The following PRTFDC1 variants were observed in gnomAD, a reference collection of about 807,000 sequenced individuals.
PRTFDC1 encodes phosphoribosyl transferase domain containing 1, also known as phosphoribosyltransferase domain-containing protein 1.
A neutral mutation model predicts 34.6 loss-of-function variants in PRTFDC1; 38 were observed. That is an observed-to-expected ratio of 1.10 (90% confidence interval 0.85 to 1.44). PRTFDC1 has a LOEUF of 1.44. Among genes scored for constraint, PRTFDC1 ranks in the 40% most tolerant of loss-of-function variants. PRTFDC1 has a pLI of 0.00. For synonymous variants in PRTFDC1, 93 were observed against 98.1 expected (o/e 0.95, Z 0.31); for missense variants, 270 against 283.0 (o/e 0.95, Z 0.33).
chr10:24,906,433 A>G (rs542869118), intron 3 of PRTFDC1, among the ~76,000 whole-genome samples: 2 of 152,292 alleles, frequency 1.3e-5, no homozygotes, highest in South Asian at 2.1e-4. Context: ...TAAGAATTAC[A>G]AAAACATGGT....
Position 24,934,214 on chromosome 10 carries a change from AAAG to A in PRTFDC1, c.339+2967_339+2969del, listed in dbSNP as rs57514580. On this transcript the variant is annotated intron_variant, in intron 3 of 8. Transcript: ENST00000320152. ...TATATAATCAAATTCTACTGGACAC[AAAG>A]AAGAAGAAGAAGAAGAAGAAGAAGA... 8.7e-3 allele frequency among the ~76,000 whole-genome samples: 1,266 copies of A among 146,336 alleles called. 13 individuals carry two copies. Among genetic ancestry groups the A allele is most frequent in the South Asian group, 0.025 (116 of 4,576 alleles).
intron 3 of PRTFDC1, among the ~76,000 whole-genome samples, chr10:24,893,350 G>A (rs1050694477): frequency 4.6e-5 from 7 of 151,942 alleles, no homozygotes; most frequent in Non-Finnish European, 8.8e-5. Context: ...GTGCAGTGAC[G>A]CAATCATAGC....
chr10:24,855,923 G>A (rs1847565399), intron 6 of PRTFDC1, among the ~76,000 whole-genome samples: 1 of 152,062 alleles, frequency 6.6e-6, no homozygotes, highest in Non-Finnish European at 1.5e-5. Flanking sequence ...AGACCAGCCT[G>A]GCCAACATGG....
At chr10:24,939,561 G>A (rs146326244) in intron 2 of PRTFDC1, among the ~76,000 whole-genome samples, 48 of 151,976 alleles carry the variant, frequency 3.2e-4, no homozygotes, top group African/African-American at 1.2e-3. Flanking sequence ...GGGAGGCCAA[G>A]GCAGGCAGAT....
intron 6 of PRTFDC1, among the ~76,000 whole-genome samples, chr10:24,856,593 A>AAAAC (rs1055774625): frequency 1.3e-5 from 2 of 152,308 alleles, no homozygotes; most frequent in East Asian, 1.9e-4. Flanking sequence ...ACTCTGTCTC[A>AAAAC]AAACAAACAA....
chr10:24,849,327 G>A lies in PRTFDC1; in HGVS notation c.*517C>T, dbSNP rs1847442770. 1 of 152,708 alleles carries A rather than the reference G, an allele frequency of 6.5e-6. No homozygotes were observed. The highest frequency in any genetic ancestry group is 2.1e-4 in the South Asian group (1 of 4,826). The allele number at this position is 152,708 out of a possible 1,614,324, so 9.5% of individuals were successfully genotyped here. ...ATGGCCTGTCAGAAATGCACAAACA[G>A]AAATTTATATTAAATTGTCCTTTCC... On this transcript the variant is annotated 3_prime_UTR_variant, in exon 9 of 9. Coordinates refer to ENST00000320152, the MANE Select transcript of PRTFDC1 (RefSeq NM_020200.7).
intron 1 of PRTFDC1, among the ~76,000 whole-genome samples, chr10:24,943,089 TAAAC>T (rs925315573): frequency 2.9e-4 from 43 of 149,666 alleles, no homozygotes; most frequent in African/African-American, 1.0e-3. Flanking sequence ...TATATCATAA[TAAAC>T]AACATATTTG....
In PRTFDC1 at chr10:24,851,375, A is replaced by G; in HGVS notation, c.630+13T>C. 3.1e-6 allele frequency: 5 copies of G among 1,596,772 alleles called. No homozygotes were observed. Among genetic ancestry groups the G allele is most frequent in the Non-Finnish European group, 4.3e-6 (5 of 1,175,728 alleles). ...ATAAAAAGGGCGGTTAGGGATTTGC[A>G]TGCAAGACTTACATTCAGATCTCTG... On this transcript the variant is annotated intron_variant, in intron 8 of 8. Coordinates refer to ENST00000320152, the MANE Select transcript of PRTFDC1 (RefSeq NM_020200.7).
At chr10:24,871,028 C>T (rs192038781) in intron 4 of PRTFDC1, among the ~76,000 whole-genome samples, 99 of 141,160 alleles carry the variant, frequency 7.0e-4, no homozygotes, top group African/African-American at 2.4e-3. Flanking sequence ...GCTGAGATCA[C>T]GCCAGTGCAC....
rs1849071037 is a variant in PRTFDC1 at position 24,937,423 on chromosome 10, G to C, written c.156-56C>G. The C allele has an allele frequency of 2.0e-6, 3 of 1,473,440 alleles. No individual in the cohort carries two copies. The African/African-American group carries it at 4.2e-5, about 21-fold the overall frequency. The allele number at this position is 1,473,440 out of a possible 1,614,324, so 91.3% of individuals were successfully genotyped here. A position where few individuals can be genotyped will look rare whatever the true frequency, so the allele number is the denominator to read the frequency against. ...ACAACTACTTCTGAGTATTTATGTT[G>C]CTTTAATGAAATGCAAGATGTATTG... On this transcript the variant is annotated intron_variant, in intron 2 of 8. Transcript: ENST00000320152.
chr10:24,881,712 C>T (rs544500255), intron 3 of PRTFDC1, among the ~76,000 whole-genome samples: 3 of 152,184 alleles, frequency 2.0e-5, no homozygotes, highest in East Asian at 3.9e-4. Flanking sequence ...GTCAATATTC[C>T]ACAAATTTTG....
chr10:24,942,241 G>T, intron 2 of PRTFDC1, 89 bp downstream of exon 2: 1 of 1,064,576 alleles, frequency 9.4e-7, no homozygotes, highest in Non-Finnish European at 1.4e-6. Flanking sequence ...CGCAGCTCAG[G>T]AATAGGGTCC....
chr10:24,880,820 TTTCTTTCTTTCTTTCTTTC>T (rs1848058594), intron 3 of PRTFDC1, among the ~76,000 whole-genome samples: 1 of 89,408 alleles, frequency 1.1e-5, no homozygotes, highest in African/African-American at 5.3e-5. Flanking sequence ...TTTCTCTTTC[TTTCTTTCTTTCTTTCTTTC>T]TTTCTTTCTT....
At chr10:24,946,980 A>T (rs111751279) in intron 1 of PRTFDC1, among the ~76,000 whole-genome samples, 3,928 of 148,394 alleles carry the variant, frequency 0.026, 139 homozygotes, top group African/African-American at 0.089. Context: ...TACAAAAAAT[A>T]AAAAAAAAAA....
chr10:24,911,517 T>A (rs921400176), intron 3 of PRTFDC1, among the ~76,000 whole-genome samples: 1 of 152,110 alleles, frequency 6.6e-6, no homozygotes, highest in Non-Finnish European at 1.5e-5. Flanking sequence ...TGTTTTTAGT[T>A]TGAGTTATTA....
chr10:24,926,254 G>A (rs1438184287), intron 3 of PRTFDC1, among the ~76,000 whole-genome samples: 1 of 152,170 alleles, frequency 6.6e-6, no homozygotes, highest in Admixed American at 6.5e-5. Context: ...TAGATATAAA[G>A]CACTTAGGAC....
At chr10:24,879,602 C>G in intron 3 of PRTFDC1, among the ~76,000 whole-genome samples, 1 of 152,070 alleles carries the variant, frequency 6.6e-6, no homozygotes, top group East Asian at 1.9e-4. Flanking sequence ...CCCGCCTCGG[C>G]CTCCCAAAGT....
chr10:24,900,068 A>G (rs1295008292), intron 3 of PRTFDC1, among the ~76,000 whole-genome samples: 1 of 152,234 alleles, frequency 6.6e-6, no homozygotes, highest in Non-Finnish European at 1.5e-5. Flanking sequence ...CAATTTAAAA[A>G]AACTTAAGCT....
rs559671764 is a variant in PRTFDC1, at chr10:24,952,206, G to A, written c.48+322C>T. ...ACGCGGGGGTCTCTGGGGCCCTGCC[G>A]GGCTCGCAGAAGCGACTCCCCGTGG... On this transcript the variant is annotated intron_variant, in intron 1 of 8. Transcript: ENST00000320152. This position sits in a 1 kb window ranked among gnomAD's most constrained non-coding sequence, Gnocchi z 5.1. 3.9e-5 allele frequency among the ~76,000 whole-genome samples: 6 copies of A among 152,306 alleles called. No individual in the cohort carries two copies. In the South Asian group the frequency reaches 8.3e-4, roughly 21 times the overall value.
Sources: allele counts gnomAD v4.1 joint callset (sites outside exome capture counted in the v4.1 genomes callset), GRCh38; gene constraint gnomAD v4.1.1; non-coding constraint Gnocchi (gnomAD v3.1); transcripts MANE v1.5; gene names NCBI Gene and HGNC (gene_info 2026-07-23, HGNC 2026-07-21).